RBM12: variants seen among roughly 807,000 people sequenced by gnomAD.
The protein encoded by RBM12 is RNA binding motif protein 12, also known as RNA-binding protein 12.
Under a neutral mutation model 37.2 loss-of-function variants are expected in RBM12, and 24 were observed. That is an observed-to-expected ratio of 0.65 (90% confidence interval 0.47 to 0.91). The LOEUF is 0.91. Ranked by LOEUF, RBM12 falls within the 40% of genes least tolerant of loss-of-function variation. The pLI is 0.00. For missense variants in RBM12, 1,061 were observed against 1,183.2 expected (o/e 0.90, Z 1.52); for synonymous variants, 420 against 425.2 (o/e 0.99, Z 0.15).
In RBM12 at chr20:35,654,772, G is replaced by C; in HGVS notation, c.551C>G (p.Thr184Arg). The change falls in exon 3 of 3, where the codon ACA (threonine) becomes AGA (arginine). Residue 184 changes from threonine (T) to arginine (R), a missense_variant. Thr to Arg is a moderately conservative substitution (Grantham distance 71). This residue lies in a region of RBM12 where 540 missense variants were observed against 632.7 expected (regional missense o/e 0.85). Coordinates refer to ENST00000374114, the MANE Select transcript of RBM12 (RefSeq NM_006047.6). ...TGGAGGAATTGGTGGCGGCGGGACT[G>C]TGTTCATTGGAGAGGCTGTGCTTGG... The part of the protein sequence containing the change: ...TVPSTASPMN[T>R]VPPPPIPPIP... 6.2e-7 allele frequency: 1 copy of C among 1,614,002 alleles called. No homozygotes were observed. Among genetic ancestry groups the C allele is most frequent in the Non-Finnish European group, 8.5e-7 (1 of 1,179,860 alleles).
chr20:35,662,221 T>C (rs1020222333), intron 1 of RBM12, among the ~76,000 whole-genome samples: 3 of 152,194 alleles, frequency 2.0e-5, no homozygotes, highest in Non-Finnish European at 4.4e-5. Flanking sequence ...CTGTCAAAAA[T>C]ATTAAGTTAT....
chr20:35,654,861 G>A lies in RBM12; in HGVS notation c.462C>T (p.Ser154=), dbSNP rs773612655. The change falls in exon 3 of 3, where the codon AGC becomes AGT. Residue 154 remains serine (S), a synonymous_variant. Transcript: ENST00000374114. Reference sequence around the variant, plus strand: ...CCATATTTGGAGGAGCTGTTCCTACGCTGGCTGTGGAAAATGTCTGTATGT... The same window carrying A: ...CCATATTTGGAGGAGCTGTTCCTACACTGGCTGTGGAAAATGTCTGTATGT... The part of the protein sequence containing the change: ...NKNIQTFSTA[S]VGTAPPNMGA... 13 of 1,614,054 alleles carry A rather than the reference G, an allele frequency of 8.1e-6. No homozygotes were observed. Among genetic ancestry groups the A allele is most frequent in the East Asian group, 2.2e-5 (1 of 44,900 alleles).
intron 1 of RBM12, chr20:35,664,323 G>C (rs2034411968): frequency 6.6e-6 from 1 of 152,402 alleles, no homozygotes; most frequent in Non-Finnish European, 1.5e-5. Flanking sequence ...TCCATTTCGG[G>C]TTGAAGGAGT....
intron 1 of RBM12, among the ~76,000 whole-genome samples, chr20:35,659,841 T>C (rs1030276751): frequency 6.6e-6 from 1 of 152,176 alleles, no homozygotes; most frequent in African/African-American, 2.4e-5. Flanking sequence ...TCAAAGGTCA[T>C]TTTTTGCTTT....
rs750897223 is a variant in RBM12 at position 35,653,317 on chromosome 20, C to T, written c.2006G>A (p.Gly669Asp). The change falls in exon 3 of 3, where the codon GGT becomes GAT. Residue 669 changes from glycine to aspartate, a missense_variant. Physicochemically the swap from Gly to Asp is moderately conservative, Grantham distance 94. Transcript: ENST00000374114. ...CAGTCCTGTGCTGGGCAGGCCTGCACCGGGAAGTCCTGCACTGGGCAGTCC... is the reference window on the plus strand; with the variant it reads ...CAGTCCTGTGCTGGGCAGGCCTGCATCGGGAAGTCCTGCACTGGGCAGTCC... ...GVGLPSAGLP[G>D]AGLPSTGLPG... The T allele has an allele frequency of 2.5e-6, 4 of 1,613,844 alleles. No individual in the cohort carries two copies. The highest frequency in any genetic ancestry group is 2.2e-5 in the East Asian group (1 of 44,838).
intron 2 of RBM12, among the ~76,000 whole-genome samples, chr20:35,656,699 T>TA (rs900088365): frequency 2.0e-5 from 3 of 152,100 alleles, no homozygotes; most frequent in African/African-American, 7.2e-5. Context: ...CATGCCTGGC[T>TA]AAGTGTTTGT....
In RBM12 at chr20:35,652,816, C is replaced by T. The variant is rs753670208; in HGVS notation, c.2507G>A (p.Gly836Asp). 1.9e-6 allele frequency: 3 copies of T among 1,606,326 alleles called. No individual in the cohort carries two copies. The highest frequency in any genetic ancestry group is 1.7e-5 in the Admixed American group (1 of 58,862). Residue 836 changes from glycine (G) to aspartate (D), a missense_variant, in exon 3 of 3, where the codon GGC becomes GAC. Around this residue, in one of 3 missense-constraint regions of RBM12, gnomAD observed 517 missense variants for 534.0 expected, o/e 0.97. Coordinates refer to ENST00000374114, the MANE Select transcript of RBM12 (RefSeq NM_006047.6). ...GPGPGPGPGP[G>D]PIHIGGPPGF... ...AGGGGGACCACCAATATGGATTGGG[C>T]CAGGGCCGGGGCCGGGGCCGGGGCC...
At chr20:35,664,508 C>T (rs2034428105) in intron 1 of RBM12, 1 of 152,348 alleles carries the variant, frequency 6.6e-6, no homozygotes, top group Non-Finnish European at 1.5e-5. Flanking sequence ...CCTCTCAGAC[C>T]ACGGGGGAGT....
intron 2 of RBM12, among the ~76,000 whole-genome samples, chr20:35,656,368 C>G (rs767708029): frequency 3.9e-5 from 6 of 152,084 alleles, no homozygotes; most frequent in Non-Finnish European, 8.8e-5. Flanking sequence ...AAATGTTCCC[C>G]TCAAATTTCA....
Position 35,649,365 on chromosome 20 carries a change from G to A in RBM12, c.*3159C>T, listed in dbSNP as rs1331225744. The A allele has an allele frequency of 6.6e-6, 1 of 152,146 alleles. No individual in the cohort carries two copies. The highest frequency in any genetic ancestry group is 1.5e-5 in the Non-Finnish European group (1 of 68,026). The allele number at this position is 152,146 out of a possible 1,614,324, so 9.4% of individuals were successfully genotyped here. A position where few individuals can be genotyped will look rare whatever the true frequency, so the allele number is the denominator to read the frequency against. On this transcript the variant is annotated 3_prime_UTR_variant, in exon 3 of 3. Coordinates refer to ENST00000374114, the MANE Select transcript of RBM12 (RefSeq NM_006047.6). ...TTCACGCATCCTTGTTTTTATGCAAGGCTGACTATTTCCACCTAAAAATGT... is the reference window on the plus strand; with the variant it reads ...TTCACGCATCCTTGTTTTTATGCAAAGCTGACTATTTCCACCTAAAAATGT...
In RBM12 at chr20:35,653,681, T is replaced by A. The variant is rs372644087; in HGVS notation, c.1642A>T (p.Ile548Leu). The change falls in exon 3 of 3, where the codon ATA (isoleucine) becomes TTA (leucine). Residue 548 changes from isoleucine to leucine, a missense_variant. Coordinates refer to ENST00000374114, the MANE Select transcript of RBM12 (RefSeq NM_006047.6). ...GTAATGCTGAATGGAATATTTGTTA[T>A]GTGGGCACAGACTTTGGCAGAGTTG... The part of the protein sequence containing the change: ...DVNSAKVCAH[I>L]TNIPFSITKM... 38 of 1,614,226 alleles carry A rather than the reference T, an allele frequency of 2.4e-5. No individual in the cohort carries two copies. In the African/African-American group the frequency reaches 4.1e-4, roughly 18 times the overall value.
intron 1 of RBM12, among the ~76,000 whole-genome samples, chr20:35,659,958 A>G (rs886923120): frequency 6.6e-5 from 10 of 152,234 alleles, no homozygotes; most frequent in Admixed American, 5.9e-4. Flanking sequence ...CTCATCTTAA[A>G]TTAGTATCTT....
chr20:35,656,047 T>C (rs1348448934), intron 2 of RBM12, among the ~76,000 whole-genome samples: 1 of 152,208 alleles, frequency 6.6e-6, no homozygotes, highest in Non-Finnish European at 1.5e-5. Flanking sequence ...AACTACTGAA[T>C]AGGACAGCTA....
At position 35,658,708 on chromosome 20, in the gene RBM12, C is replaced by T. The variant is rs527923120; in HGVS notation, c.-23+222G>A. 4.0e-5 allele frequency among the ~76,000 whole-genome samples: 6 copies of T among 151,732 alleles called. No homozygotes were observed. The South Asian group carries it at 1.3e-3, about 32-fold the overall frequency. On this transcript the variant is annotated intron_variant, in intron 2 of 2. Coordinates refer to ENST00000374114, the MANE Select transcript of RBM12 (RefSeq NM_006047.6). ...CCGGGAGGCGGAGGTTGCAGTGAGC[C>T]GAGATGGCACCACTGCACTCCAGCC...
At position 35,654,630 on chromosome 20, in the gene RBM12, A is replaced by G. The variant is rs532658606; in HGVS notation, c.693T>C (p.Ser231=). The part of the protein sequence containing the change: ...PPVPPIPPVP[S]VPPMTPLPPM... ...GTGGCAGTGGGGTCATGGGTGGCAC[A>G]GAAGGAACTGGGGGAATCGGGGGCA... The change falls in exon 3 of 3, where the codon TCT becomes TCC. Residue 231 remains serine, a synonymous_variant. Transcript: ENST00000374114. 1 of 1,614,184 alleles carries G rather than the reference A, an allele frequency of 6.2e-7. No individual in the cohort carries two copies. Among genetic ancestry groups the G allele is most frequent in the Non-Finnish European group, 8.5e-7 (1 of 1,180,022 alleles).
Position 35,650,061 on chromosome 20 carries a change from A to C in RBM12, c.*2463T>G, listed in dbSNP as rs896394505. ...ATACATTTTCAAGAATTTTTTAAAA[A>C]CTGAAACTCCAATGCCCAGAACAAG... On this transcript the variant is annotated 3_prime_UTR_variant, in exon 3 of 3. Coordinates refer to ENST00000374114, the MANE Select transcript of RBM12 (RefSeq NM_006047.6). 12 of 152,598 alleles carry C rather than the reference A, an allele frequency of 7.9e-5. No individual in the cohort carries two copies. Among genetic ancestry groups the C allele is most frequent in the African/African-American group, 2.9e-4 (12 of 41,440 alleles). The allele number at this position is 152,598 out of a possible 1,614,324, so 9.5% of individuals were successfully genotyped here.
At chr20:35,656,648 C>T (rs1287074707) in intron 2 of RBM12, among the ~76,000 whole-genome samples, 1 of 152,180 alleles carries the variant, frequency 6.6e-6, no homozygotes, top group Non-Finnish European at 1.5e-5. Flanking sequence ...AATTCTCCTG[C>T]CTCAGCCTCC....
rs768417589 is a variant in RBM12 at position 35,651,593 on chromosome 20, T to C, written c.*931A>G. 6.6e-6 allele frequency: 1 copy of C among 152,190 alleles called. No homozygotes were observed. Among genetic ancestry groups the C allele is most frequent in the Non-Finnish European group, 1.5e-5 (1 of 68,022 alleles). The allele number at this position is 152,190 out of a possible 1,614,324, so 9.4% of individuals were successfully genotyped here. Reference sequence around the variant, plus strand: ...TTTGTTTAAAGGCCAAAATTTCACATAATCGGGACAGGAGGAAATTGATAC... The same window carrying C: ...TTTGTTTAAAGGCCAAAATTTCACACAATCGGGACAGGAGGAAATTGATAC... On this transcript the variant is annotated 3_prime_UTR_variant, in exon 3 of 3. Transcript: ENST00000374114.
At chr20:35,661,916 T>C (rs2034250337) in intron 1 of RBM12, among the ~76,000 whole-genome samples, 3 of 152,172 alleles carry the variant, frequency 2.0e-5, no homozygotes, top group Non-Finnish European at 4.4e-5. Flanking sequence ...AACTCTCAAA[T>C]GTTCACCTCA....
Sources: gnomAD v4.1 joint callset for allele counts (sites outside exome capture counted in the v4.1 genomes callset) on GRCh38, gnomAD v4.1.1 for gene constraint, gnomAD v4.1.1 regional missense constraint, MANE v1.5 for transcripts, NCBI Gene and HGNC (gene_info 2026-07-23, HGNC 2026-07-21) for gene names.